The following EIF1AX variants were observed in gnomAD, a reference collection of about 807,000 sequenced individuals.
The protein encoded by EIF1AX is eukaryotic translation initiation factor 1A, X-chromosomal.
Under a neutral mutation model 16.1 loss-of-function variants are expected in EIF1AX, and 1 was observed. That is an observed-to-expected ratio of 0.06 (90% CI 0.02 to 0.30). EIF1AX has a LOEUF of 0.30. EIF1AX is among the 10% of genes least tolerant of loss of function. The pLI, the probability that EIF1AX is intolerant of heterozygous loss-of-function variation, is 1.00. For synonymous variants in EIF1AX, 32 were observed against 37.3 expected (o/e 0.86, Z 0.51); for missense variants, 11 against 109.1 (o/e 0.10, Z 4.00).
At chrX:20,128,806 T>C (rs1421789304) in intron 6 of EIF1AX, among the ~76,000 whole-genome samples, 1 of 111,893 alleles carries the variant, frequency 8.9e-6, no homozygotes, top group African/African-American at 3.3e-5. Flanking sequence ...TGGGTCCAGT[T>C]CTGAGGAGGC....
Position 20,126,420 on chromosome X carries a change from A to G in EIF1AX, c.*1886T>C, listed in dbSNP as rs757369652. 4.7e-4 allele frequency: 61 copies of G among 128,571 alleles called. No homozygotes were observed. The highest frequency in any genetic ancestry group is 2.9e-3 in the Middle Eastern group (1 of 344). 10.6% of individuals were successfully genotyped at this position (128,571 alleles called of 1,213,427 possible). A position where few individuals can be genotyped will look rare whatever the true frequency, so the allele number is the denominator to read the frequency against. ...TACTACCTCAGCAAGAACAATCACC[A>G]GTAAATACATGAACTGGGGTTATAG... On this transcript the variant is annotated 3_prime_UTR_variant, in exon 7 of 7. Transcript: ENST00000379607.
chrX:20,130,896 T>A (rs1470683835), intron 5 of EIF1AX, among the ~76,000 whole-genome samples: 1 of 111,469 alleles, frequency 9.0e-6, no homozygotes, highest in Non-Finnish European at 1.9e-5. Context: ...CGTATTTCCT[T>A]AAGAATAGCT....
chrX:20,131,240 T>A (rs780980934), intron 5 of EIF1AX, among the ~76,000 whole-genome samples: 3 of 112,231 alleles, frequency 2.7e-5, no homozygotes, highest in African/African-American at 9.7e-5. Flanking sequence ...TTCATTACTT[T>A]TGTATTTGGA....
chrX:20,135,679 T>C, intron 3 of EIF1AX, 59 bp downstream of exon 3: 1 of 890,717 alleles, frequency 1.1e-6, no homozygotes, highest in Non-Finnish European at 1.6e-6. Context: ...AGTTAAAAAC[T>C]GTAGAGGGAT....
intron 1 of EIF1AX, among the ~76,000 whole-genome samples, chrX:20,138,831 T>C (rs1256983021): frequency 8.9e-6 from 1 of 112,059 alleles, no homozygotes; most frequent in Non-Finnish European, 1.9e-5. Flanking sequence ...CTTCTTGGAA[T>C]TTCCTTTGGG....
At position 20,125,261 on chromosome X, in the gene EIF1AX, A is replaced by C. The variant is rs1268626820; in HGVS notation, c.*3045T>G. The C allele has an allele frequency of 1.8e-5, 3 of 165,638 alleles. No individual in the cohort carries two copies. The highest frequency in any genetic ancestry group is 3.5e-5 in the Non-Finnish European group (3 of 85,940). The allele number at this position is 165,638 out of a possible 1,213,427, so 13.7% of individuals were successfully genotyped here. ...CAGGGCTAGGAGGGGGGAATAAGAG[A>C]GGACAAAGTCCAATACATTCTCCAA... On this transcript the variant is annotated 3_prime_UTR_variant, in exon 7 of 7. Coordinates refer to ENST00000379607, the MANE Select transcript of EIF1AX (RefSeq NM_001412.4).
rs2066990379 is a variant in EIF1AX, at chrX:20,127,991, A to C, written c.*315T>G. ...AGGACAAGGCAAATGATTTCTTCAAAACACCCATTTTCTTACTGGAAGTGG... is the reference window on the plus strand; with the variant it reads ...AGGACAAGGCAAATGATTTCTTCAACACACCCATTTTCTTACTGGAAGTGG... On this transcript the variant is annotated 3_prime_UTR_variant, in exon 7 of 7. Transcript: ENST00000379607. The C allele has an allele frequency of 1.4e-5, 3 of 220,278 alleles. No homozygotes were observed. In the East Asian group the frequency reaches 2.2e-4, roughly 16 times the overall value. 18.2% of individuals were successfully genotyped at this position (220,278 alleles called of 1,213,427 possible). A position where few individuals can be genotyped will look rare whatever the true frequency, so the allele number is the denominator to read the frequency against.
At chrX:20,132,975 A>G (rs898244317) in intron 4 of EIF1AX, among the ~76,000 whole-genome samples, 3 of 112,061 alleles carry the variant, frequency 2.7e-5, no homozygotes, top group African/African-American at 9.7e-5. Flanking sequence ...ATAGAAGCCT[A>G]TGGAGATCTT....
At chrX:20,133,524 T>A (rs775549188) in intron 4 of EIF1AX, among the ~76,000 whole-genome samples, 1 of 105,952 alleles carries the variant, frequency 9.4e-6, no homozygotes, top group African/African-American at 3.8e-5. Flanking sequence ...TTTTTTTTTT[T>A]TAAATCAAAG....
intron 1 of EIF1AX, among the ~76,000 whole-genome samples, chrX:20,139,210 G>A (rs189432883): frequency 3.6e-5 from 4 of 111,419 alleles, no homozygotes; most frequent in East Asian, 2.8e-4. Context: ...GCAACATAGC[G>A]AGACACTGTC....
At position 20,125,280 on chromosome X, in the gene EIF1AX, T is replaced by G. The variant is rs147795566; in HGVS notation, c.*3026A>C. ...TAAGAGAGGACAAAGTCCAATACATTCTCCAAATTGCTCAGTTCATTCTAT... is the reference window on the plus strand; with the variant it reads ...TAAGAGAGGACAAAGTCCAATACATGCTCCAAATTGCTCAGTTCATTCTAT... On this transcript the variant is annotated 3_prime_UTR_variant, in exon 7 of 7. Transcript: ENST00000379607. 0.016 allele frequency: 2,738 copies of G among 167,083 alleles called. 123 individuals are homozygous for G. The highest frequency in any genetic ancestry group is 0.15 in the East Asian group (1,746 of 11,445). The allele number at this position is 167,083 out of a possible 1,213,427, so 13.8% of individuals were successfully genotyped here.
In EIF1AX at chrX:20,126,703, G is replaced by A. The variant is rs1324151050; in HGVS notation, c.*1603C>T. Reference sequence around the variant, plus strand: ...TAATTCTTCAAGGCTGGTTTCTTATGAGGATTAAAAACCAGCCCTTAGTCT... The same window carrying A: ...TAATTCTTCAAGGCTGGTTTCTTATAAGGATTAAAAACCAGCCCTTAGTCT... On this transcript the variant is annotated 3_prime_UTR_variant, in exon 7 of 7. Coordinates refer to ENST00000379607, the MANE Select transcript of EIF1AX (RefSeq NM_001412.4). The A allele has an allele frequency of 2.2e-5, 3 of 135,458 alleles. No homozygotes were observed. Among genetic ancestry groups the A allele is most frequent in the Non-Finnish European group, 4.4e-5 (3 of 68,345 alleles). The allele number at this position is 135,458 out of a possible 1,213,427, so 11.2% of individuals were successfully genotyped here.
chrX:20,133,525 TAAATCAA>T (rs2067007032), intron 4 of EIF1AX, among the ~76,000 whole-genome samples: 2 of 108,922 alleles, frequency 1.8e-5, no homozygotes, highest in South Asian at 7.7e-4. Flanking sequence ...TTTTTTTTTT[TAAATCAA>T]AGTATGATCG....
chrX:20,127,226 T>A lies in EIF1AX; in HGVS notation c.*1080A>T, dbSNP rs1251601970. On this transcript the variant is annotated 3_prime_UTR_variant, in exon 7 of 7. Coordinates refer to ENST00000379607, the MANE Select transcript of EIF1AX (RefSeq NM_001412.4). Reference sequence around the variant, plus strand: ...ATATCCTTAACACAAAATAAGGGTATAACATATTCTGCAGCATGACATTTT... The same window carrying A: ...ATATCCTTAACACAAAATAAGGGTAAAACATATTCTGCAGCATGACATTTT... The A allele has an allele frequency of 2.0e-5, 3 of 146,345 alleles. No individual in the cohort carries two copies. Among genetic ancestry groups the A allele is most frequent in the Admixed American group, 1.7e-4 (2 of 11,933 alleles). The allele number at this position is 146,345 out of a possible 1,213,427, so 12.1% of individuals were successfully genotyped here.
chrX:20,139,306 A>T (rs902335232), intron 1 of EIF1AX, among the ~76,000 whole-genome samples: 2 of 112,205 alleles, frequency 1.8e-5, no homozygotes, highest in African/African-American at 6.5e-5. Flanking sequence ...TGTTTCTATT[A>T]TATGACCCCA....
chrX:20,128,352 C>T, intron 6 of EIF1AX, 41 bp from the exon 7 acceptor site: 1 of 1,150,257 alleles, frequency 8.7e-7, no homozygotes, highest in Non-Finnish European at 1.2e-6. Flanking sequence ...AAAAAGAATT[C>T]TTATATTCCA....
At position 20,138,636 on chromosome X, in the gene EIF1AX, AAAAAG is replaced by A. The variant is rs771871926; in HGVS notation, c.17-19_17-15del. 1.1e-4 allele frequency: 118 copies of A among 1,112,598 alleles called. No individual in the cohort carries two copies. Among genetic ancestry groups the A allele is most frequent in the South Asian group, 2.9e-4 (15 of 51,063 alleles). The allele number at this position is 1,112,598 out of a possible 1,213,427, so 91.7% of individuals were successfully genotyped here. A position where few individuals can be genotyped will look rare whatever the true frequency, so the allele number is the denominator to read the frequency against. ...TACCTCCTTTACCTGATGGTTTAAAAAAAAGAAAAGGAGGTAAATGACATTAATTA... is the reference window on the plus strand; with the variant it reads ...TACCTCCTTTACCTGATGGTTTAAAAAAAAGGAGGTAAATGACATTAATTA... On this transcript the variant is annotated splice_polypyrimidine_tract_variant and intron_variant, in intron 1 of 6. Transcript: ENST00000379607.
In EIF1AX at chrX:20,138,518, G is replaced by A. The variant is rs756778021; in HGVS notation, c.100+21C>T. The A allele has an allele frequency of 8.0e-6, 9 of 1,127,678 alleles. No individual in the cohort carries two copies. The Admixed American group carries it at 1.1e-4, about 14-fold the overall frequency. The allele number at this position is 1,127,678 out of a possible 1,213,427, so 92.9% of individuals were successfully genotyped here. On this transcript the variant is annotated intron_variant, in intron 2 of 6. Coordinates refer to ENST00000379607, the MANE Select transcript of EIF1AX (RefSeq NM_001412.4). ...AAGAAAGGATGTTATTTTAAAAAGC[G>A]TAATTTATGAAAACACTTACCCTGA...
chrX:20,139,850 T>C (rs1361805445), intron 1 of EIF1AX: 1 of 112,489 alleles, frequency 8.9e-6, no homozygotes, highest in Non-Finnish European at 1.9e-5. Flanking sequence ...CAATCTGCGC[T>C]GTAATTCTTA....
Sources: allele counts gnomAD v4.1 joint callset (sites outside exome capture counted in the v4.1 genomes callset), GRCh38; gene constraint gnomAD v4.1.1; transcripts MANE v1.5; gene names NCBI Gene and HGNC (gene_info 2026-07-23, HGNC 2026-07-21).